Variants in DNAH8 observed in about 807,000 individuals in gnomAD.
DNAH8 encodes the protein axonemal beta dynein heavy chain 8.
In DNAH8, 382 loss-of-function variants were observed where a neutral mutation model predicts 562.1. That is an observed-to-expected ratio of 0.68 (90% CI 0.63 to 0.74). The LOEUF (loss-of-function observed/expected upper bound fraction) is 0.74, where lower values mean the gene tolerates loss of function less well. Among genes scored for constraint, DNAH8 ranks in the 30% least tolerant of loss-of-function variants. The probability of loss-of-function intolerance (pLI) is 0.00; values close to 1 mark genes in which losing one functional copy is unlikely to be tolerated. For synonymous variants in DNAH8, 1,881 were observed against 1,919.4 expected, an observed-to-expected ratio of 0.98 and a Z score of 0.52; for missense variants, 5,203 against 5,620.4, an observed-to-expected ratio of 0.93 and a Z score of 2.37.
Position 38,782,993 on chromosome 6 carries a change from T to C in DNAH8, c.2260-11T>C. ...GTCTTTTAAAGTAAATCTTTTCCCT[T>C]AAAAAAACAGAAAAACTCAGACATT... On this transcript the variant is annotated splice_polypyrimidine_tract_variant and intron_variant, in intron 16 of 92. Coordinates refer to ENST00000327475, the MANE Select transcript of DNAH8 (RefSeq NM_001206927.2). 1 of 1,608,876 alleles carries C rather than the reference T, an allele frequency of 6.2e-7. No homozygotes were observed. The highest frequency in any genetic ancestry group is 8.5e-7 in the Non-Finnish European group (1 of 1,178,102).
intron 45 of DNAH8, among the ~76,000 whole-genome samples, chr6:38,865,976 C>A (rs957930636): frequency 6.6e-6 from 1 of 152,196 alleles, no homozygotes; most frequent in Non-Finnish European, 1.5e-5. Flanking sequence ...TTGGGTCTGA[C>A]CTCTGTTCAA....
At position 38,845,740 on chromosome 6, in the gene DNAH8, G is replaced by A. The variant is rs773938402; in HGVS notation, c.5012G>A (p.Ser1671Asn). Residue 1671 changes from serine (S) to asparagine (N), a missense_variant, in exon 36 of 93, where the codon AGT becomes AAT. By Grantham distance (46) the Ser-to-Asn change is conservative (BLOSUM62 1). This residue lies in a region of DNAH8 where 2,176 missense variants were observed against 2,365.1 expected (regional missense o/e 0.92). Transcript: ENST00000327475. Reference protein sequence around the residue: ...SGEIITLMEDSLMVLGSLLSN... With the variant: ...SGEIITLMEDNLMVLGSLLSN... ...GAAATTATCACTTTGATGGAGGATA[G>A]TTTAATGGTCTTAGGGTCTTTACTC... 9 of 1,613,862 alleles carry A rather than the reference G, an allele frequency of 5.6e-6. No homozygotes were observed. In the South Asian group the frequency reaches 9.9e-5, roughly 18 times the overall value.
Position 38,938,884 on chromosome 6 carries a change from G to T in DNAH8, c.11903G>T (p.Gly3968Val). 1 of 1,613,080 alleles carries T rather than the reference G, an allele frequency of 6.2e-7. No individual in the cohort carries two copies. The highest frequency in any genetic ancestry group is 2.2e-5 in the East Asian group (1 of 44,844). ...TYEVFTYSVR[G>V]LYENHKFLFV... is the part of the protein sequence containing the mutation. ...GAAGTTTTTACATACTCTGTCAGAG[G>T]CCTATACGAAAACCACAAATTCCTG... Residue 3968 changes from glycine (G) to valine (V), a missense_variant, in exon 79 of 93, where the codon GGC becomes GTC. Gly to Val is a moderately radical substitution (Grantham distance 109, BLOSUM62 -3). This residue lies in a region of DNAH8 where 1,399 missense variants were observed against 1,518.4 expected (regional missense o/e 0.92). Coordinates refer to ENST00000327475, the MANE Select transcript of DNAH8 (RefSeq NM_001206927.2).
In DNAH8 at chr6:38,882,817, TATTG is replaced by T. The variant is rs1408003466; in HGVS notation, c.7859-88_7859-85del. 7 of 796,258 alleles carry T rather than the reference TATTG, an allele frequency of 8.8e-6. No individual in the cohort carries two copies. In the South Asian group the frequency reaches 1.0e-4, roughly 11 times the overall value. The allele number at this position is 796,258 out of a possible 1,614,324, so 49.3% of individuals were successfully genotyped here. A position where few individuals can be genotyped will look rare whatever the true frequency, so the allele number is the denominator to read the frequency against. ...AACATTTTGAATGTTTATACGATTC[TATTG>T]ATTGTTTATTGCACTTAACATTTTT... On this transcript the variant is annotated intron_variant, in intron 53 of 92. Coordinates refer to ENST00000327475, the MANE Select transcript of DNAH8 (RefSeq NM_001206927.2).
intron 82 of DNAH8, among the ~76,000 whole-genome samples, chr6:38,956,696 A>G (rs1033750073): frequency 2.8e-4 from 43 of 152,154 alleles, no homozygotes; most frequent in Non-Finnish European, 4.4e-5. Flanking sequence ...AAACAAAACA[A>G]CAACAACAAA....
Position 38,850,389 on chromosome 6 carries a change from G to A in DNAH8, c.5338G>A (p.Glu1780Lys). 1 of 1,613,258 alleles carries A rather than the reference G, an allele frequency of 6.2e-7. No homozygotes were observed. Among genetic ancestry groups the A allele is most frequent in the Non-Finnish European group, 8.5e-7 (1 of 1,179,506 alleles). Reference protein sequence around the residue: ...QLLPHLHEQLEVCQKSLTGYL... With the variant: ...QLLPHLHEQLKVCQKSLTGYL... ...TTTACCTCATTTACATGAGCAGTTG[G>A]AAGTATGTCAGAAGTCACTCACAGG... is the stretch of plus-strand genomic sequence containing the variant. The change falls in exon 38 of 93, where the codon GAA (glutamate) becomes AAA (lysine). Residue 1780 changes from glutamate to lysine, a missense_variant. Physicochemically the swap from Glu to Lys is moderately conservative, Grantham distance 56. Transcript: ENST00000327475.
chr6:38,725,329 A>ATAATAATAAT (rs1214362527), intron 3 of DNAH8, among the ~76,000 whole-genome samples: 1 of 148,738 alleles, frequency 6.7e-6, no homozygotes, highest in Admixed American at 6.8e-5. Context: ...AATAATAATA[A>ATAATAATAAT]TAATAATAAA....
intron 28 of DNAH8, among the ~76,000 whole-genome samples, chr6:38,825,815 G>C (rs986058713): frequency 9.9e-5 from 15 of 152,062 alleles, no homozygotes; most frequent in Admixed American, 8.5e-4. Context: ...GGGATCTCTC[G>C]AGAAAAATGC....
rs780350917 is a variant in DNAH8 at position 38,734,438 on chromosome 6, G to A, written c.611-36G>A. 3 of 1,607,572 alleles carry A rather than the reference G, an allele frequency of 1.9e-6. No individual in the cohort carries two copies. In the African/African-American group the frequency reaches 4.0e-5, roughly 22 times the overall value. On this transcript the variant is annotated intron_variant, in intron 4 of 92. Transcript: ENST00000327475. ...TAACTTATCTCATTTGATTAGTTGT[G>A]TGATTATACGCTAAGTTCTTGACTT...
chr6:38,958,010 G>GT (rs942559337), intron 82 of DNAH8, among the ~76,000 whole-genome samples: 6 of 151,664 alleles, frequency 4.0e-5, no homozygotes, highest in Non-Finnish European at 8.8e-5. Flanking sequence ...ATAGTGTTTT[G>GT]TTTTGTTTTT....
chr6:38,843,007 C>G, intron 35 of DNAH8, 104 bp downstream of exon 35: 1 of 1,186,300 alleles, frequency 8.4e-7, no homozygotes, highest in South Asian at 1.5e-5. Flanking sequence ...ACTAATTGCC[C>G]TCTATAATGC....
intron 19 of DNAH8, 72 bp downstream of exon 19, chr6:38,789,955 A>T: frequency 8.7e-7 from 1 of 1,148,868 alleles, no homozygotes; most frequent in Non-Finnish European, 1.3e-6. Flanking sequence ...TAAACTATGG[A>T]TTTTGGAACA....
chr6:38,789,588 T>A (rs555825751), intron 18 of DNAH8, among the ~76,000 whole-genome samples: 11 of 152,288 alleles, frequency 7.2e-5, no homozygotes, highest in Middle Eastern at 3.4e-3. Context: ...AAAATGAAGA[T>A]GTAGAAATTG....
chr6:38,815,821 G>A (rs1772210780), intron 26 of DNAH8, among the ~76,000 whole-genome samples, 164 bp downstream of exon 26: 1 of 151,910 alleles, frequency 6.6e-6, no homozygotes, highest in South Asian at 2.1e-4. Context: ...TTGGGTGGTG[G>A]GTGAAAAGGA....
chr6:38,729,896 T>A lies in DNAH8; in HGVS notation c.526-6T>A. On this transcript the variant is annotated splice_polypyrimidine_tract_variant and splice_region_variant and intron_variant, in intron 3 of 92. Transcript: ENST00000327475. ...TTTGATTATCATTTTCTCTTTTATT[T>A]AACAGCTGGAAGCATTTACTAATTT... 12 of 1,489,970 alleles carry A rather than the reference T, an allele frequency of 8.1e-6. No individual in the cohort carries two copies. Among genetic ancestry groups the A allele is most frequent in the Non-Finnish European group, 1.1e-5 (12 of 1,080,656 alleles). 92.3% of individuals were successfully genotyped at this position (1,489,970 alleles called of 1,614,324 possible).
chr6:38,973,313 T>A (rs1287116815), intron 83 of DNAH8, among the ~76,000 whole-genome samples: 1 of 152,164 alleles, frequency 6.6e-6, no homozygotes, highest in Non-Finnish European at 1.5e-5. Flanking sequence ...CAGTTCTGAT[T>A]TACCTTAGGC....
chr6:38,954,982 T>G (rs958523548), intron 82 of DNAH8, among the ~76,000 whole-genome samples: 40 of 152,328 alleles, frequency 2.6e-4, no homozygotes, highest in African/African-American at 9.4e-4. Flanking sequence ...TTCCTTTTTC[T>G]TTTGAGACAG....
intron 92 of DNAH8, among the ~76,000 whole-genome samples, chr6:39,029,099 T>C (rs1332010): frequency 0.66 from 100,706 of 151,974 alleles, 33,908 homozygotes; most frequent in Middle Eastern, 0.78. Context: ...TTAGTGAATA[T>C]ACTGCCTACA....
intron 8 of DNAH8, among the ~76,000 whole-genome samples, chr6:38,750,042 T>C (rs563046955): frequency 2.0e-5 from 3 of 152,260 alleles, no homozygotes; most frequent in Admixed American, 6.5e-5. Context: ...CCGTGTTAGC[T>C]AGGATGGTCT....
Sources: gnomAD v4.1 joint callset for allele counts (sites outside exome capture counted in the v4.1 genomes callset) on GRCh38, gnomAD v4.1.1 for gene constraint, gnomAD v4.1.1 regional missense constraint, MANE v1.5 for transcripts, NCBI Gene and HGNC (gene_info 2026-07-23, HGNC 2026-07-21) for gene names.